Variants in KCNH5 observed in about 807,000 individuals in gnomAD.
The protein encoded by KCNH5 is potassium voltage-gated channel subfamily H member 5, also known as voltage-gated delayed rectifier potassium channel KCNH5.
In KCNH5, 46 loss-of-function variants were observed where a neutral mutation model predicts 96.1. The ratio of observed to expected loss-of-function variants is 0.48; its 90% CI spans 0.38 to 0.61. The LOEUF (loss-of-function observed/expected upper bound fraction) is 0.61. Among genes scored for constraint, KCNH5 ranks in the 20% least tolerant of loss-of-function variants. The pLI is 0.00. For missense variants in KCNH5, 907 were observed against 1,225.8 expected, an observed-to-expected ratio of 0.74 and a Z score of 3.88; for synonymous variants, 439 against 449.8, an observed-to-expected ratio of 0.98 and a Z score of 0.30.
intron 9 of KCNH5, among the ~76,000 whole-genome samples, chr14:62,793,550 T>C (rs4271527): frequency 0.46 from 69,857 of 151,488 alleles, 17,330 homozygotes; most frequent in South Asian, 0.7. Context: ...ATCACAAGGA[T>C]AAAGGAGTGA....
chr14:63,023,620 T>C (rs112810200), intron 1 of KCNH5, among the ~76,000 whole-genome samples: 9 of 152,242 alleles, frequency 5.9e-5, no homozygotes, highest in African/African-American at 1.9e-4. Flanking sequence ...CAGATATAGA[T>C]ATATAAACAT....
intron 6 of KCNH5, among the ~76,000 whole-genome samples, chr14:62,953,557 A>T (rs1476364271): frequency 6.6e-6 from 1 of 152,138 alleles, no homozygotes; most frequent in Admixed American, 6.6e-5. Flanking sequence ...CTCCCAAATC[A>T]GTTATCTTCT....
chr14:63,006,387 C>T lies in KCNH5; in HGVS notation c.283G>A (p.Val95Ile). 1 of 1,611,092 alleles carries T rather than the reference C, an allele frequency of 6.2e-7. No individual in the cohort carries two copies. Among genetic ancestry groups the T allele is most frequent in the Non-Finnish European group, 8.5e-7 (1 of 1,177,760 alleles). Residue 95 changes from valine to isoleucine, a missense_variant, in exon 3 of 11, where the codon GTT (valine) becomes ATT (isoleucine). Coordinates refer to ENST00000322893, the MANE Select transcript of KCNH5 (RefSeq NM_139318.5). Reference sequence around the variant, plus strand: ...CTACTGTTTTTCTTGTACAGAAGAACTTCAAAGCAGTTTGATTCGTAGTTG... The same window carrying T: ...CTACTGTTTTTCTTGTACAGAAGAATTTCAAAGCAGTTTGATTCGTAGTTG... ...FDNYESNCFEVLLYKKNRTPV... is the reference protein window; with the variant it reads ...FDNYESNCFEILLYKKNRTPV...
intron 3 of KCNH5, among the ~76,000 whole-genome samples, chr14:63,004,389 G>A (rs993473671): frequency 1.3e-5 from 2 of 152,160 alleles, no homozygotes; most frequent in African/African-American, 2.4e-5. Flanking sequence ...ACAATGCTAT[G>A]GGGTATATAT....
At chr14:63,045,014 C>T (rs971020678) in intron 1 of KCNH5, 100 bp downstream of exon 1, 1 of 976,944 alleles carries the variant, frequency 1.0e-6, no homozygotes, top group South Asian at 1.3e-5. Context: ...AGGCTGCCTG[C>T]ATCCTCCTCC....
chr14:62,791,023 G>A (rs771449089), intron 9 of KCNH5, among the ~76,000 whole-genome samples: 4 of 151,434 alleles, frequency 2.6e-5, no homozygotes, highest in African/African-American at 4.8e-5. Flanking sequence ...GAATAGAAGT[G>A]GTAACAGCAG....
chr14:62,877,047 G>A (rs928483216), intron 7 of KCNH5, among the ~76,000 whole-genome samples: 2 of 152,192 alleles, frequency 1.3e-5, no homozygotes, highest in Admixed American at 1.3e-4. Context: ...TTGTAGATAT[G>A]TGGCATTATT....
intron 10 of KCNH5, among the ~76,000 whole-genome samples, chr14:62,773,589 T>G (rs1194234693): frequency 9.9e-5 from 15 of 152,222 alleles, no homozygotes; most frequent in Admixed American, 7.8e-4. Context: ...GTGCCACACT[T>G]CAACAAAGTG....
At chr14:62,861,435 C>G (rs998816818) in intron 7 of KCNH5, among the ~76,000 whole-genome samples, 1 of 151,892 alleles carries the variant, frequency 6.6e-6, no homozygotes, top group African/African-American at 2.4e-5. Context: ...ACACCTGGCT[C>G]ATTTTTTTGT....
At chr14:63,009,293 G>T (rs1594673191) in intron 2 of KCNH5, among the ~76,000 whole-genome samples, 1 of 152,084 alleles carries the variant, frequency 6.6e-6, no homozygotes. Context: ...TGCAACACAG[G>T]TCTGATGCAG....
intron 7 of KCNH5, among the ~76,000 whole-genome samples, chr14:62,917,953 G>A (rs1889307567): frequency 6.6e-6 from 1 of 152,112 alleles, no homozygotes; most frequent in Non-Finnish European, 1.5e-5. Flanking sequence ...TCAGCATGAG[G>A]CAGGGGCCAT....
chr14:63,005,700 T>A (rs1200605606), intron 3 of KCNH5, among the ~76,000 whole-genome samples: 1 of 152,222 alleles, frequency 6.6e-6, no homozygotes, highest in Non-Finnish European at 1.5e-5. Context: ...ACTGTTGGTT[T>A]TTGTCATGTT....
At chr14:62,898,544 A>C (rs1350344815) in intron 7 of KCNH5, among the ~76,000 whole-genome samples, 1 of 152,184 alleles carries the variant, frequency 6.6e-6, no homozygotes, top group Non-Finnish European at 1.5e-5. Flanking sequence ...TAAATAGACT[A>C]ACAACAGGTT....
chr14:62,900,292 T>C (rs954141284), intron 7 of KCNH5, among the ~76,000 whole-genome samples: 1 of 152,246 alleles, frequency 6.6e-6, no homozygotes, highest in Admixed American at 6.5e-5. Flanking sequence ...AATTACATAA[T>C]GTGAAGAAAT....
chr14:63,022,891 C>T (rs1349738454), intron 1 of KCNH5, among the ~76,000 whole-genome samples: 3 of 151,964 alleles, frequency 2.0e-5, no homozygotes, highest in Non-Finnish European at 4.4e-5. Flanking sequence ...AGTTTTACAC[C>T]TATTTGTGTC....
intron 9 of KCNH5, among the ~76,000 whole-genome samples, chr14:62,790,028 G>T: frequency 6.6e-6 from 1 of 150,710 alleles, no homozygotes; most frequent in Admixed American, 6.6e-5. Flanking sequence ...CGTGTTTTAT[G>T]GTTTCAGGTC....
intron 1 of KCNH5, among the ~76,000 whole-genome samples, chr14:63,028,707 T>A (rs754406268): frequency 7.9e-5 from 12 of 152,144 alleles, no homozygotes; most frequent in Non-Finnish European, 1.8e-4. Flanking sequence ...CCTGTTAGAC[T>A]GGAAGCAGAG....
chr14:63,009,699 C>G (rs1056794982), intron 2 of KCNH5, among the ~76,000 whole-genome samples: 1 of 152,090 alleles, frequency 6.6e-6, no homozygotes, highest in African/African-American at 2.4e-5. Flanking sequence ...TATTTTCAGC[C>G]AAAGTTGTCC....
intron 7 of KCNH5, among the ~76,000 whole-genome samples, chr14:62,926,657 T>G (rs1204425095): frequency 6.6e-6 from 1 of 152,140 alleles, no homozygotes; most frequent in Non-Finnish European, 1.5e-5. Flanking sequence ...CTTCTCACTG[T>G]GTCTTCATAT....
Sources: gnomAD v4.1 joint callset for allele counts (sites outside exome capture counted in the v4.1 genomes callset) on GRCh38, gnomAD v4.1.1 for gene constraint, MANE v1.5 for transcripts, NCBI Gene and HGNC (gene_info 2026-07-23, HGNC 2026-07-21) for gene names.